Variants in LMTK2 observed in about 807,000 individuals in gnomAD.
LMTK2 encodes lemur tail kinase 2.
A neutral mutation model predicts 127.5 loss-of-function variants in LMTK2; 37 were observed. That is an observed-to-expected ratio of 0.29 (90% CI 0.22 to 0.38). LMTK2 has a LOEUF of 0.38. Among genes scored for constraint, LMTK2 ranks in the 10% least tolerant of loss-of-function variants. The pLI, the probability that LMTK2 is intolerant of heterozygous loss-of-function variation, is 1.00. For synonymous variants in LMTK2, 819 were observed against 810.1 expected (o/e 1.01, Z -0.19); for missense variants, 1,694 against 1,920.3 (o/e 0.88, Z 2.20).
Position 98,176,538 on chromosome 7 carries a change from G to A in LMTK2, c.791+4864G>A, listed in dbSNP as rs773907476. On this transcript the variant is annotated intron_variant, in intron 7 of 13. Transcript: ENST00000297293. ...AAAATAATAGGCCCAAGAAATAAGG[G>A]GGAAAAAAGAAAAAAATAATAATAG... Among the ~76,000 whole-genome samples, 14 of 151,944 alleles carry A rather than the reference G, an allele frequency of 9.2e-5. 1 individual carries two copies. Among genetic ancestry groups the A allele is most frequent in the South Asian group, 6.2e-4 (3 of 4,806 alleles).
At chr7:98,141,262 A>G in intron 2 of LMTK2, 135 bp from the exon 3 acceptor site, 2 of 741,880 alleles carry the variant, frequency 2.7e-6, no homozygotes, top group South Asian at 1.8e-5. Context: ...ACAAAATTAC[A>G]TATGCTTTTT....
chr7:98,185,871 G>A (rs1386479827), intron 8 of LMTK2, among the ~76,000 whole-genome samples: 1 of 151,882 alleles, frequency 6.6e-6, no homozygotes, highest in African/African-American at 2.4e-5. Context: ...CTTGACCTCC[G>A]CTTTCTGAGC....
Position 98,194,515 on chromosome 7 carries a change from G to T in LMTK2, c.4050G>T (p.Lys1350Asn), listed in dbSNP as rs1797597860. The change falls in exon 11 of 14, where the codon AAG (lysine) becomes AAT (asparagine). Residue 1350 changes from lysine to asparagine, a missense_variant. Lys to Asn is a moderately conservative substitution (Grantham distance 94, BLOSUM62 0). This residue lies in a region of LMTK2 where 554 missense variants were observed against 567.7 expected (regional missense o/e 0.98). Transcript: ENST00000297293. The surrounding 1 kb of genome is among the most constrained non-coding windows in gnomAD (Gnocchi z 5.4). ...CCGACCCACTGCCCGAGGACTGGAAGAAGGAAAAGAAGGCAGTCACGTTTT... is the reference window on the plus strand; with the variant it reads ...CCGACCCACTGCCCGAGGACTGGAATAAGGAAAAGAAGGCAGTCACGTTTT... ...NAPDPLPEDWKKEKKAVTFFD... is the reference protein window; with the variant it reads ...NAPDPLPEDWNKEKKAVTFFD... 6.2e-7 allele frequency: 1 copy of T among 1,612,330 alleles called. No homozygotes were observed. Among genetic ancestry groups the T allele is most frequent in the African/African-American group, 1.3e-5 (1 of 74,938 alleles).
At chr7:98,143,327 T>C (rs1796724835) in intron 3 of LMTK2, among the ~76,000 whole-genome samples, 1 of 152,160 alleles carries the variant, frequency 6.6e-6, no homozygotes, top group African/African-American at 2.4e-5. Context: ...TAAAGGAACA[T>C]ACTGCCAAAT....
At chr7:98,114,247 T>G (rs1796245811) in intron 1 of LMTK2, among the ~76,000 whole-genome samples, 1 of 151,160 alleles carries the variant, frequency 6.6e-6, no homozygotes, top group Non-Finnish European at 1.5e-5. Flanking sequence ...AAAGTTTTTT[T>G]TTTTTTTTTT....
At chr7:98,140,235 C>T (rs1174529228) in intron 2 of LMTK2, among the ~76,000 whole-genome samples, 1 of 150,608 alleles carries the variant, frequency 6.6e-6, no homozygotes, top group Non-Finnish European at 1.5e-5. Context: ...CCTTGACCTC[C>T]CAGGCTCAAG....
chr7:98,160,988 G>A (rs989814878), intron 6 of LMTK2, among the ~76,000 whole-genome samples: 6 of 152,106 alleles, frequency 3.9e-5, no homozygotes, highest in Admixed American at 6.5e-5. Context: ...TACACCTCTT[G>A]TAAATAGTTT....
At chr7:98,203,095 A>C (rs531295254) in intron 11 of LMTK2, among the ~76,000 whole-genome samples, 1 of 152,350 alleles carries the variant, frequency 6.6e-6, no homozygotes, top group East Asian at 1.9e-4. Flanking sequence ...GGAGAGCAAG[A>C]GAACAGAGAA....
Position 98,171,816 on chromosome 7 carries a change from AC to A in LMTK2, c.791+145del. 1 of 919,082 alleles carries A rather than the reference AC, an allele frequency of 1.1e-6. No individual in the cohort carries two copies. The highest frequency in any genetic ancestry group is 1.6e-6 in the Non-Finnish European group (1 of 642,710). 56.9% of individuals were successfully genotyped at this position (919,082 alleles called of 1,614,324 possible). On this transcript the variant is annotated intron_variant, in intron 7 of 13. Transcript: ENST00000297293. The surrounding 1 kb of genome is among the most constrained non-coding windows in gnomAD (Gnocchi z 5.1). ...TGTAGGTAGAAGCGATCTCGTTCTT[AC>A]CCATGTCCGGATAAGGGTTGAGTTG...
chr7:98,208,948 G>C lies in LMTK2; in HGVS notation c.*3456G>C, dbSNP rs1797848465. Reference sequence around the variant, plus strand: ...TTTCCCGAAATAAGGTATTTGTAGAGTTAAGGACCTACTGCATGCCTGTCC... The same window carrying C: ...TTTCCCGAAATAAGGTATTTGTAGACTTAAGGACCTACTGCATGCCTGTCC... On this transcript the variant is annotated 3_prime_UTR_variant, in exon 14 of 14. Coordinates refer to ENST00000297293, the MANE Select transcript of LMTK2 (RefSeq NM_014916.4). 6.6e-6 allele frequency: 1 copy of C among 152,192 alleles called. No homozygotes were observed. The highest frequency in any genetic ancestry group is 1.5e-5 in the Non-Finnish European group (1 of 68,026). 9.4% of individuals were successfully genotyped at this position (152,192 alleles called of 1,614,324 possible).
intron 6 of LMTK2, among the ~76,000 whole-genome samples, chr7:98,162,191 C>G (rs938567849): frequency 6.6e-6 from 1 of 152,056 alleles, no homozygotes; most frequent in Non-Finnish European, 1.5e-5. Context: ...AGCAGCTGTC[C>G]TTTTTGGGAC....
intron 1 of LMTK2, among the ~76,000 whole-genome samples, chr7:98,115,964 C>A (rs1796276309): frequency 6.6e-6 from 1 of 152,062 alleles, no homozygotes; most frequent in Admixed American, 6.6e-5. Context: ...TGGTTTACTG[C>A]ATCCCTGAAC....
chr7:98,180,355 A>G (rs11972730), intron 7 of LMTK2, among the ~76,000 whole-genome samples: 2,309 of 152,312 alleles, frequency 0.015, 54 homozygotes, highest in African/African-American at 0.053. Context: ...TCAGTTTACA[A>G]CTTAAAACTA....
chr7:98,111,026 G>A lies in LMTK2; in HGVS notation c.103+3746G>A, dbSNP rs1796195071. On this transcript the variant is annotated intron_variant, in intron 1 of 13. Coordinates refer to ENST00000297293, the MANE Select transcript of LMTK2 (RefSeq NM_014916.4). ...AGGCTTTCTATGCAAATTATTTTAG[G>A]ATTTATAGCTATAAATCTTGAAATT... 2.6e-5 allele frequency among the ~76,000 whole-genome samples: 4 copies of A among 152,214 alleles called. No individual in the cohort carries two copies. In the South Asian group the frequency reaches 8.3e-4, roughly 32 times the overall value.
intron 11 of LMTK2, among the ~76,000 whole-genome samples, chr7:98,198,265 A>G (rs1435315201): frequency 6.7e-6 from 1 of 148,632 alleles, no homozygotes; most frequent in Non-Finnish European, 1.5e-5. Context: ...ATATCGGCTC[A>G]CTGCAACCTC....
At chr7:98,198,960 T>TA (rs1797670975) in intron 11 of LMTK2, among the ~76,000 whole-genome samples, 1 of 152,160 alleles carries the variant, frequency 6.6e-6, no homozygotes, top group Non-Finnish European at 1.5e-5. Flanking sequence ...AATTAATAAT[T>TA]ACTAATAATT....
At chr7:98,181,819 C>T (rs113132362) in intron 7 of LMTK2, among the ~76,000 whole-genome samples, 5,398 of 150,644 alleles carry the variant, frequency 0.036, 329 homozygotes, top group African/African-American at 0.12. Context: ...CCATCATGCC[C>T]GGCTAATTTT....
chr7:98,204,710 G>A (rs977631372), intron 13 of LMTK2, among the ~76,000 whole-genome samples: 4 of 152,256 alleles, frequency 2.6e-5, no homozygotes, highest in South Asian at 2.1e-4. Flanking sequence ...TCTCAGGCTC[G>A]TTACCGGCCA....
intron 1 of LMTK2, among the ~76,000 whole-genome samples, chr7:98,125,364 TG>T (rs1470855248): frequency 6.6e-6 from 1 of 152,250 alleles, no homozygotes; most frequent in East Asian, 1.9e-4. Flanking sequence ...TCTTGCCATC[TG>T]ACGTATCATA....
Sources: allele counts gnomAD v4.1 joint callset (sites outside exome capture counted in the v4.1 genomes callset), GRCh38; gene constraint gnomAD v4.1.1; regional missense constraint gnomAD v4.1.1; non-coding constraint Gnocchi (gnomAD v3.1); transcripts MANE v1.5; gene names NCBI Gene and HGNC (gene_info 2026-07-23, HGNC 2026-07-21).